Variants in SETBP1 observed in about 807,000 individuals in gnomAD.
The protein encoded by SETBP1 is SET binding protein 1, also known as SET-binding protein.
SETBP1 carries 9 observed loss-of-function variants against 101.0 expected under a neutral mutation model. The observed-to-expected ratio is 0.09, with a 90% CI of 0.05 to 0.16. The LOEUF (loss-of-function observed/expected upper bound fraction) is 0.16, where lower values mean the gene tolerates loss of function less well. Among genes scored for constraint, SETBP1 ranks in the 10% least tolerant of loss-of-function variants. The pLI, the probability that SETBP1 is intolerant of heterozygous loss-of-function variation, is 1.00. For missense variants in SETBP1, 1,858 were observed against 2,033.8 expected (o/e 0.91, Z 1.66); for synonymous variants, 818 against 788.5 (o/e 1.04, Z -0.63).
rs779580303 is a variant in SETBP1 at position 44,953,177 on chromosome 18, C to A, written c.3837C>A (p.Asp1279Glu). ...DGGSTRSENL[D>E]VFSEMNPSND... Reference sequence around the variant, plus strand: ...GCAGCACGAGATCAGAGAACCTGGACGTGTTCAGTGAAATGAACCCTTCGA... The same window carrying A: ...GCAGCACGAGATCAGAGAACCTGGAAGTGTTCAGTGAAATGAACCCTTCGA... Residue 1279 changes from aspartate (D) to glutamate (E), a missense_variant, in exon 4 of 6, where the codon GAC becomes GAA. Asp to Glu is a conservative substitution (Grantham distance 45). Coordinates refer to ENST00000649279, the MANE Select transcript of SETBP1 (RefSeq NM_015559.3). The A allele has an allele frequency of 1.2e-6, 2 of 1,614,024 alleles. No homozygotes were observed. Among genetic ancestry groups the A allele is most frequent in the Admixed American group, 1.7e-5 (1 of 60,020 alleles).
intron 4 of SETBP1, among the ~76,000 whole-genome samples, chr18:45,026,218 C>CT (rs1472134394): frequency 6.6e-6 from 1 of 152,190 alleles, no homozygotes; most frequent in Non-Finnish European, 1.5e-5. Context: ...TTGGCTTGGT[C>CT]TGTTTCTAAG....
At chr18:44,971,032 C>G (rs999791260) in intron 4 of SETBP1, among the ~76,000 whole-genome samples, 1 of 151,978 alleles carries the variant, frequency 6.6e-6, no homozygotes, top group Non-Finnish European at 1.5e-5. Context: ...CCCCTTCCCC[C>G]ACCCCACAAC....
chr18:44,685,076 G>C (rs1278066616), intron 1 of SETBP1, among the ~76,000 whole-genome samples: 1 of 152,158 alleles, frequency 6.6e-6, no homozygotes, highest in Non-Finnish European at 1.5e-5. Context: ...CTGGGAGGTA[G>C]CTGCCACCCC....
At chr18:44,885,849 AAAAAAAAC>A (rs1213159500) in intron 3 of SETBP1, among the ~76,000 whole-genome samples, 13 of 42,012 alleles carry the variant, frequency 3.1e-4, no homozygotes, top group South Asian at 9.8e-4. Context: ...CATTAAAAAA[AAAAAAAAC>A]AAAAAAAAAA....
chr18:44,730,201 G>A (rs1234127109), intron 2 of SETBP1, among the ~76,000 whole-genome samples: 1 of 152,180 alleles, frequency 6.6e-6, no homozygotes, highest in Non-Finnish European at 1.5e-5. Flanking sequence ...TTACTATGGA[G>A]TATGAAGAAA....
At chr18:45,031,948 T>A (rs771395914) in intron 4 of SETBP1, among the ~76,000 whole-genome samples, 76 of 152,198 alleles carry the variant, frequency 5.0e-4, no homozygotes, top group Non-Finnish European at 9.8e-4. Flanking sequence ...TTTTTACAAC[T>A]CATCCAAAGC....
chr18:44,826,854 G>A (rs967054693), intron 2 of SETBP1, among the ~76,000 whole-genome samples: 1 of 152,196 alleles, frequency 6.6e-6, no homozygotes, highest in African/African-American at 2.4e-5. Flanking sequence ...TGGCCCTTCT[G>A]TGGTTCAAAC....
intron 2 of SETBP1, among the ~76,000 whole-genome samples, chr18:44,847,025 G>T (rs934201856): frequency 2.6e-5 from 4 of 152,140 alleles, no homozygotes; most frequent in African/African-American, 4.8e-5. Flanking sequence ...AACTGAAATG[G>T]CCAGACTAGG....
chr18:44,778,319 G>A (rs950600499), intron 2 of SETBP1, among the ~76,000 whole-genome samples: 10 of 152,178 alleles, frequency 6.6e-5, no homozygotes, highest in Non-Finnish European at 8.8e-5. Flanking sequence ...TGGAGCTAGA[G>A]GGGGGTCACC....
chr18:45,009,405 A>G (rs1355298601), intron 4 of SETBP1, among the ~76,000 whole-genome samples: 1 of 151,250 alleles, frequency 6.6e-6, no homozygotes, highest in Non-Finnish European at 1.5e-5. Context: ...GCTGGTTTTT[A>G]TGGGGCATTA....
intron 5 of SETBP1, among the ~76,000 whole-genome samples, chr18:45,048,994 A>AAAAAAAAAAAAAAAAAAAAAAAC: frequency 6.7e-6 from 1 of 149,700 alleles, no homozygotes; most frequent in Non-Finnish European, 1.5e-5. Flanking sequence ...AAAAAAAAAA[A>AAAAAAAAAAAAAAAAAAAAAAAC]AAAAAAAAAA....
chr18:44,995,533 G>T (rs535687343), intron 4 of SETBP1, among the ~76,000 whole-genome samples: 2,674 of 132,270 alleles, frequency 0.02, 72 homozygotes, highest in African/African-American at 0.076. Flanking sequence ...AGGCTTTTGT[G>T]TGTGTGTGTG....
intron 4 of SETBP1, among the ~76,000 whole-genome samples, chr18:44,956,972 G>A (rs182408858): frequency 2.0e-5 from 3 of 152,260 alleles, no homozygotes; most frequent in Admixed American, 1.3e-4. Context: ...TCAGAATGCA[G>A]TAGCTCTTTT....
At chr18:44,879,265 G>T (rs955780072) in intron 3 of SETBP1, among the ~76,000 whole-genome samples, 1 of 152,136 alleles carries the variant, frequency 6.6e-6, no homozygotes, top group Non-Finnish European at 1.5e-5. Context: ...GTAGTTAAGA[G>T]CAATGATTTT....
chr18:44,801,406 T>A (rs1001226817), intron 2 of SETBP1, among the ~76,000 whole-genome samples: 2 of 152,178 alleles, frequency 1.3e-5, no homozygotes, highest in African/African-American at 4.8e-5. Flanking sequence ...AGACAGAGAA[T>A]GAGACAGGTT....
At chr18:44,736,359 C>A (rs1477246363) in intron 2 of SETBP1, among the ~76,000 whole-genome samples, 2 of 152,156 alleles carry the variant, frequency 1.3e-5, no homozygotes, top group East Asian at 1.9e-4. Flanking sequence ...CTATACTGGG[C>A]AACAGAGTGA....
At chr18:44,829,619 T>A (rs2072313778) in intron 2 of SETBP1, among the ~76,000 whole-genome samples, 1 of 152,184 alleles carries the variant, frequency 6.6e-6, no homozygotes, top group Non-Finnish European at 1.5e-5. Context: ...TGTCTGCTAT[T>A]TTGCTCATAA....
At chr18:44,899,528 G>A (rs2069988099) in intron 3 of SETBP1, among the ~76,000 whole-genome samples, 1 of 152,142 alleles carries the variant, frequency 6.6e-6, no homozygotes, top group African/African-American at 2.4e-5. Flanking sequence ...TACAGCTCAG[G>A]ACTGGACTCA....
chr18:44,945,156 C>T (rs2071175712), intron 3 of SETBP1, among the ~76,000 whole-genome samples: 1 of 152,116 alleles, frequency 6.6e-6, no homozygotes, highest in Non-Finnish European at 1.5e-5. Flanking sequence ...GCTCCCCGCC[C>T]ACCACCAAAA....
Sources: allele counts gnomAD v4.1 joint callset (sites outside exome capture counted in the v4.1 genomes callset), GRCh38; gene constraint gnomAD v4.1.1; transcripts MANE v1.5; gene names NCBI Gene and HGNC (gene_info 2026-07-23, HGNC 2026-07-21).